Variants in WASHC3 observed in about 807,000 individuals in gnomAD.
WASHC3 encodes WASH complex subunit CCDC53.
A neutral mutation model predicts 26.1 loss-of-function variants in WASHC3; 24 were observed. That is an observed-to-expected ratio of 0.92 (90% CI 0.66 to 1.29). The LOEUF (loss-of-function observed/expected upper bound fraction) is 1.29. WASHC3 is among the 50% of genes most tolerant of loss of function. The pLI is 0.00. For synonymous variants in WASHC3, 77 were observed against 75.7 expected, an observed-to-expected ratio of 1.02 and a Z score of -0.09; for missense variants, 214 against 229.6, an observed-to-expected ratio of 0.93 and a Z score of 0.44.
chr12:102,037,899 G>A (rs113140333), intron 5 of WASHC3, among the ~76,000 whole-genome samples: 9 of 152,032 alleles, frequency 5.9e-5, no homozygotes, highest in African/African-American at 1.4e-4. Flanking sequence ...GGGTTCAAGC[G>A]ATTCTCCTGC....
At chr12:102,060,388 TCCTG>T in intron 2 of WASHC3, among the ~76,000 whole-genome samples, 1 of 152,326 alleles carries the variant, frequency 6.6e-6, no homozygotes, top group East Asian at 1.9e-4. Context: ...CAAGTGATCC[TCCTG>T]CCTCTGCCTC....
intron 4 of WASHC3, 171 bp downstream of exon 4, chr12:102,043,934 C>T (rs1878047427): frequency 5.1e-6 from 2 of 392,194 alleles, no homozygotes; most frequent in Non-Finnish European, 9.3e-6. Flanking sequence ...TTCAGGAAGC[C>T]CTTCAAAATA....
intron 6 of WASHC3, among the ~76,000 whole-genome samples, chr12:102,023,150 T>G (rs1877025155): frequency 6.6e-6 from 1 of 152,196 alleles, no homozygotes; most frequent in Non-Finnish European, 1.5e-5. Context: ...AATTCTGTAA[T>G]AGTCATTTTT....
intron 6 of WASHC3, among the ~76,000 whole-genome samples, chr12:102,019,895 GC>G (rs1876876428): frequency 6.6e-6 from 1 of 152,162 alleles, no homozygotes. Flanking sequence ...CATACCAGAT[GC>G]TGTGCACATT....
At chr12:102,025,125 G>T (rs768826535) in intron 6 of WASHC3, among the ~76,000 whole-genome samples, 1 of 152,088 alleles carries the variant, frequency 6.6e-6, no homozygotes, top group Non-Finnish European at 1.5e-5. Context: ...TTTTCTTGGA[G>T]GACTGAGAGC....
At chr12:102,026,728 T>C (rs1283001940) in intron 5 of WASHC3, among the ~76,000 whole-genome samples, 1 of 152,088 alleles carries the variant, frequency 6.6e-6, no homozygotes, top group Non-Finnish European at 1.5e-5. Context: ...ACTTGATGTA[T>C]AACTAAACAT....
intron 5 of WASHC3, among the ~76,000 whole-genome samples, chr12:102,026,891 G>A (rs1355165924): frequency 1.3e-5 from 2 of 152,152 alleles, no homozygotes; most frequent in African/African-American, 4.8e-5. Context: ...AAAGGAGGCA[G>A]GGTCATGGCA....
intron 5 of WASHC3, 112 bp downstream of exon 5, chr12:102,039,756 G>A (rs1877862073): frequency 2.1e-6 from 1 of 478,430 alleles, no homozygotes; most frequent in Non-Finnish European, 3.9e-6. Context: ...TAGAAAACTT[G>A]GTTACTTGGT....
chr12:102,030,021 C>A (rs533599070), intron 5 of WASHC3, among the ~76,000 whole-genome samples: 1 of 152,094 alleles, frequency 6.6e-6, no homozygotes, highest in African/African-American at 2.4e-5. Flanking sequence ...TGAGGCCGGG[C>A]GCAGTGGTTC....
At chr12:102,013,414 C>T (rs1320987876) in intron 6 of WASHC3, among the ~76,000 whole-genome samples, 1 of 152,190 alleles carries the variant, frequency 6.6e-6, no homozygotes, top group Non-Finnish European at 1.5e-5. Context: ...TTTTCTCTTG[C>T]CAGTCCTTAC....
At chr12:102,056,511 T>C (rs543666205) in intron 2 of WASHC3, among the ~76,000 whole-genome samples, 1 of 152,356 alleles carries the variant, frequency 6.6e-6, no homozygotes, top group African/African-American at 2.4e-5. Context: ...TTGATTATGG[T>C]ATGATTATGC....
At position 102,012,998 on chromosome 12, in the gene WASHC3, G is replaced by A; in HGVS notation, c.*110C>T. ...TTTAACATAGAAGAAGCTTGGTAGT[G>A]GACATGTGGCCATTTGATGTTTTTA... On this transcript the variant is annotated 3_prime_UTR_variant, in exon 7 of 7. Transcript: ENST00000240079. The A allele has an allele frequency of 1.8e-6, 1 of 553,618 alleles. No individual in the cohort carries two copies. The highest frequency in any genetic ancestry group is 3.2e-6 in the Non-Finnish European group (1 of 314,550). The allele number at this position is 553,618 out of a possible 1,614,324, so 34.3% of individuals were successfully genotyped here.
intron 3 of WASHC3, among the ~76,000 whole-genome samples, chr12:102,044,461 CCTGGT>C (rs1253767477): frequency 6.6e-6 from 1 of 152,136 alleles, no homozygotes; most frequent in Non-Finnish European, 1.5e-5. Flanking sequence ...GGACTGAGAG[CCTGGT>C]CTTTGAAGTC....
At chr12:102,062,108 A>C, upstream of WASHC3, 5 of 633,558 alleles carry the variant, frequency 7.9e-6, no homozygotes, top group Admixed American at 3.0e-5. Context: ...CCGCTCACTA[A>C]TCACTCGGCG....
intron 6 of WASHC3, chr12:102,017,862 C>T (rs757893472): frequency 1.1e-4 from 42 of 397,222 alleles, no homozygotes; most frequent in Middle Eastern, 6.1e-4. Flanking sequence ...TTTAAGTATA[C>T]GGTAGTGTTT....
chr12:102,037,785 T>TTTTTTTG (rs951824595), intron 5 of WASHC3, among the ~76,000 whole-genome samples: 1 of 152,064 alleles, frequency 6.6e-6, no homozygotes, highest in Non-Finnish European at 1.5e-5. Context: ...TATTCAGTTT[T>TTTTTTTG]TTTTTTGTTT....
intron 2 of WASHC3, among the ~76,000 whole-genome samples, chr12:102,052,636 C>T (rs974997318): frequency 6.6e-6 from 1 of 151,928 alleles, no homozygotes; most frequent in African/African-American, 2.4e-5. Context: ...CACCCCAGCA[C>T]CAGGTCAGCT....
At chr12:102,047,728 C>T (rs1878221561) in intron 2 of WASHC3, among the ~76,000 whole-genome samples, 1 of 151,828 alleles carries the variant, frequency 6.6e-6, no homozygotes, top group Admixed American at 6.6e-5. Context: ...GAAGGAAACA[C>T]AAAAGGAAAC....
intron 2 of WASHC3, among the ~76,000 whole-genome samples, chr12:102,056,921 C>A (rs1452972098): frequency 6.6e-6 from 1 of 152,110 alleles, no homozygotes; most frequent in African/African-American, 2.4e-5. Flanking sequence ...ATTTAGGAGG[C>A]CAGCATTATC....
Sources: allele counts gnomAD v4.1 joint callset (sites outside exome capture counted in the v4.1 genomes callset), GRCh38; gene constraint gnomAD v4.1.1; transcripts MANE v1.5; gene names NCBI Gene and HGNC (gene_info 2026-07-23, HGNC 2026-07-21).